The following TAFA5 variants were observed in gnomAD, a reference collection of about 807,000 sequenced individuals.
TAFA5 encodes the protein TAFA chemokine like family member 5, also known as chemokine-like protein TAFA-5.
TAFA5 carries 6 observed loss-of-function variants against 15.3 expected under a neutral mutation model. That is an observed-to-expected ratio of 0.39 (90% CI 0.21 to 0.77). TAFA5 has a LOEUF of 0.77. TAFA5 is among the 30% of genes least tolerant of loss of function. TAFA5 has a pLI of 0.41. For synonymous variants in TAFA5, 103 were observed against 80.7 expected (o/e 1.28, Z -1.48); for missense variants, 161 against 193.1 (o/e 0.83, Z 0.98).
intron 1 of TAFA5, among the ~76,000 whole-genome samples, chr22:48,538,006 G>A (rs538147421): frequency 3.9e-5 from 6 of 152,362 alleles, no homozygotes; most frequent in African/African-American, 4.8e-5. Flanking sequence ...TGTCACCAGC[G>A]CACGGTCAGC....
chr22:48,545,405 C>A (rs1268498721), intron 1 of TAFA5: 1 of 191,840 alleles, frequency 5.2e-6, no homozygotes, highest in Non-Finnish European at 1.1e-5. Context: ...CCCATGAGGG[C>A]AGCAACCCTA....
chr22:48,587,323 G>A (rs1372424285), intron 1 of TAFA5, among the ~76,000 whole-genome samples: 2 of 152,138 alleles, frequency 1.3e-5, no homozygotes, highest in African/African-American at 4.8e-5. Context: ...TGGACTGCAG[G>A]GACTTGCCCT....
At chr22:48,680,194 C>T (rs903006894) in intron 2 of TAFA5, among the ~76,000 whole-genome samples, 11 of 152,248 alleles carry the variant, frequency 7.2e-5, no homozygotes, top group African/African-American at 2.4e-4. Flanking sequence ...ACCCCAGGCC[C>T]TGGCTCCGGC....
At position 48,712,733 on chromosome 22, in the gene TAFA5, T is replaced by C. The variant is rs1371817569; in HGVS notation, c.390+4889T>C. Among the ~76,000 whole-genome samples, 3 of 152,308 alleles carry C rather than the reference T, an allele frequency of 2.0e-5. 1 individual carries two copies. The East Asian group carries it at 5.8e-4, about 30-fold the overall frequency. The stretch of plus-strand genomic sequence containing the variant: ...TCTCCCGAGGTGTGAGCAACGCTCC[T>C]TCTTGGCCCGCCACTCTGGCTCCTG... On this transcript the variant is annotated intron_variant, in intron 3 of 3. Transcript: ENST00000402357.
At chr22:48,525,627 C>CA (rs538678875) in intron 1 of TAFA5, among the ~76,000 whole-genome samples, 107 of 152,290 alleles carry the variant, frequency 7.0e-4, no homozygotes, top group African/African-American at 2.5e-3. Flanking sequence ...GCTTGTGGAC[C>CA]AACAGATCGC....
At chr22:48,597,153 G>T (rs948709885) in intron 1 of TAFA5, among the ~76,000 whole-genome samples, 1 of 152,222 alleles carries the variant, frequency 6.6e-6, no homozygotes, top group African/African-American at 2.4e-5. Flanking sequence ...AAAGTTATTT[G>T]CCTCGTGAAC....
At chr22:48,514,257 G>T (rs1473186228) in intron 1 of TAFA5, among the ~76,000 whole-genome samples, 3 of 152,204 alleles carry the variant, frequency 2.0e-5, no homozygotes, top group Non-Finnish European at 2.9e-5. Context: ...TAAGTTTTGG[G>T]AGGTGGTGGT....
At chr22:48,698,268 G>A (rs1283157953) in intron 2 of TAFA5, among the ~76,000 whole-genome samples, 1 of 152,076 alleles carries the variant, frequency 6.6e-6, no homozygotes, top group African/African-American at 2.4e-5. Context: ...CTGAGGTCAG[G>A]AGTTCGAGAC....
intron 3 of TAFA5, among the ~76,000 whole-genome samples, chr22:48,749,457 A>G (rs1051202217): frequency 1.3e-5 from 2 of 152,170 alleles, no homozygotes; most frequent in African/African-American, 4.8e-5. Flanking sequence ...TCAGAGGCCC[A>G]GGAAGCTGGG....
At position 48,750,111 on chromosome 22, in the gene TAFA5, G is replaced by A. The variant is rs1441810927; in HGVS notation, c.*264G>A. ...ATACGCAGTCTGTGGGAGCCCGGCC[G>A]CGCCCAGCCCCCGCCGACCGTGGCG... On this transcript the variant is annotated 3_prime_UTR_variant, in exon 4 of 4. Transcript: ENST00000402357. 7.5e-6 allele frequency: 4 copies of A among 534,524 alleles called. No individual in the cohort carries two copies. Among genetic ancestry groups the A allele is most frequent in the South Asian group, 6.9e-5 (3 of 43,222 alleles). The allele number at this position is 534,524 out of a possible 1,614,324, so 33.1% of individuals were successfully genotyped here. A position where few individuals can be genotyped will look rare whatever the true frequency, so the allele number is the denominator to read the frequency against.
chr22:48,728,618 C>T (rs1362407599), intron 3 of TAFA5, among the ~76,000 whole-genome samples: 1 of 152,104 alleles, frequency 6.6e-6, no homozygotes, highest in Non-Finnish European at 1.5e-5. Context: ...AGAAATAACA[C>T]ACGGTATTTT....
chr22:48,647,550 C>A (rs987062636), intron 2 of TAFA5, among the ~76,000 whole-genome samples: 1 of 152,156 alleles, frequency 6.6e-6, no homozygotes, highest in African/African-American at 2.4e-5. Flanking sequence ...CAGCCGGGAC[C>A]TCCCCAAGGC....
chr22:48,506,208 T>C (rs570678293), intron 1 of TAFA5, among the ~76,000 whole-genome samples: 8 of 152,306 alleles, frequency 5.3e-5, no homozygotes, highest in African/African-American at 9.6e-5. Flanking sequence ...CTGGTCTCCA[T>C]GACCTTTCAT....
chr22:48,624,991 T>G (rs756068719), intron 1 of TAFA5, among the ~76,000 whole-genome samples: 3 of 152,054 alleles, frequency 2.0e-5, no homozygotes, highest in Non-Finnish European at 4.4e-5. Context: ...GGCGGGCACC[T>G]GTAATCCCAG....
At chr22:48,587,249 C>G (rs745821714) in intron 1 of TAFA5, among the ~76,000 whole-genome samples, 20 of 152,142 alleles carry the variant, frequency 1.3e-4, no homozygotes, top group Non-Finnish European at 2.5e-4. Context: ...GCTGTGGGCA[C>G]GAGTTCTGGA....
At chr22:48,624,837 C>T (rs561504344) in intron 1 of TAFA5, among the ~76,000 whole-genome samples, 15 of 152,142 alleles carry the variant, frequency 9.9e-5, no homozygotes, top group Non-Finnish European at 2.1e-4. Context: ...TGGTGGCTCA[C>T]GCCTGTCATC....
chr22:48,600,344 G>A (rs1924919948), intron 1 of TAFA5, among the ~76,000 whole-genome samples: 1 of 152,196 alleles, frequency 6.6e-6, no homozygotes, highest in Non-Finnish European at 1.5e-5. Context: ...GGCCAGGGTG[G>A]CATCCTGCCT....
At chr22:48,568,003 G>C (rs143416040) in intron 1 of TAFA5, among the ~76,000 whole-genome samples, 1 of 152,228 alleles carries the variant, frequency 6.6e-6, no homozygotes, top group Non-Finnish European at 1.5e-5. Flanking sequence ...GTGCCAGCTG[G>C]GGAGCTTCAG....
chr22:48,713,367 A>G (rs928308758), intron 3 of TAFA5, among the ~76,000 whole-genome samples: 38 of 152,332 alleles, frequency 2.5e-4, no homozygotes, highest in African/African-American at 8.9e-4. Flanking sequence ...TAGTCAGGCC[A>G]TTCCAGGGCC....
Sources: gnomAD v4.1 joint callset for allele counts (sites outside exome capture counted in the v4.1 genomes callset) on GRCh38, gnomAD v4.1.1 for gene constraint, MANE v1.5 for transcripts, NCBI Gene and HGNC (gene_info 2026-07-23, HGNC 2026-07-21) for gene names.